The following DYNC1H1 variants were observed in gnomAD, a reference collection of about 807,000 sequenced individuals.
DYNC1H1 encodes the protein cytoplasmic dynein 1 heavy chain 1.
Under a neutral mutation model 527.1 loss-of-function variants are expected in DYNC1H1, and 51 were observed. The ratio of observed to expected loss-of-function variants is 0.10; its 90% CI spans 0.08 to 0.12. The LOEUF is 0.12. DYNC1H1 is among the 10% of genes least tolerant of loss of function. The pLI is 1.00. For missense variants in DYNC1H1, 2,771 were observed against 5,971.8 expected (o/e 0.46, Z 17.66); for synonymous variants, 2,189 against 2,278.8 (o/e 0.96, Z 1.12).
chr14:102,048,693 G>C (rs760468171), intron 74 of DYNC1H1, 24 bp downstream of exon 74: 1 of 1,611,300 alleles, frequency 6.2e-7, no homozygotes, highest in Non-Finnish European at 8.5e-7. Flanking sequence ...CGAACTCGTG[G>C]TGTGGCTTCC....
Position 102,011,566 on chromosome 14 carries a change from T to C in DYNC1H1, c.6619-309T>C. The C allele has an allele frequency of 2.5e-6, 1 of 400,432 alleles. No individual in the cohort carries two copies. Among genetic ancestry groups the C allele is most frequent in the Non-Finnish European group, 4.7e-6 (1 of 210,972 alleles). The allele number at this position is 400,432 out of a possible 1,614,324, so 24.8% of individuals were successfully genotyped here. ...AAATGTTTGTTTTACATGTGACCTG[T>C]GTAACATCTCTCCAGCTGGGGAGTT... is the stretch of plus-strand genomic sequence containing the variant. On this transcript the variant is annotated intron_variant, in intron 32 of 77. Coordinates refer to ENST00000360184, the MANE Select transcript of DYNC1H1 (RefSeq NM_001376.5). This position sits in a 1 kb window ranked among gnomAD's most constrained non-coding sequence, Gnocchi z 5.3.
At chr14:101,993,180 A>G (rs2048017699) in intron 11 of DYNC1H1, among the ~76,000 whole-genome samples, 1 of 151,754 alleles carries the variant, frequency 6.6e-6, no homozygotes, top group African/African-American at 2.4e-5. Context: ...GCCAAAAATC[A>G]TGGTATTGTC....
At position 101,979,918 on chromosome 14, in the gene DYNC1H1, A is replaced by G. The variant is rs768502998; in HGVS notation, c.718A>G (p.Thr240Ala). Reference protein sequence around the residue: ...TDFGDKVEDPTFLNQLQSGVN... With the variant: ...TDFGDKVEDPAFLNQLQSGVN... Reference sequence around the variant, plus strand: ...CTTTGGTGATAAGGTTGAAGACCCAACATTTCTTAATCAGTTACAATCTGG... The same window carrying G: ...CTTTGGTGATAAGGTTGAAGACCCAGCATTTCTTAATCAGTTACAATCTGG... The change falls in exon 4 of 78, where the codon ACA (threonine) becomes GCA (alanine). Residue 240 changes from threonine to alanine, a missense_variant. Physicochemically the swap from Thr to Ala is moderately conservative, Grantham distance 58. This residue lies in a region of DYNC1H1 where 146 missense variants were observed against 288.1 expected (regional missense o/e 0.51). Coordinates refer to ENST00000360184, the MANE Select transcript of DYNC1H1 (RefSeq NM_001376.5). This position sits in a 1 kb window ranked among gnomAD's most constrained non-coding sequence, Gnocchi z 4.6. 5 of 1,614,122 alleles carry G rather than the reference A, an allele frequency of 3.1e-6. No individual in the cohort carries two copies. The highest frequency in any genetic ancestry group is 1.7e-5 in the Admixed American group (1 of 60,012).
At chr14:101,984,719 T>C (rs1173886999) in intron 7 of DYNC1H1, among the ~76,000 whole-genome samples, 1 of 149,384 alleles carries the variant, frequency 6.7e-6, no homozygotes, top group Non-Finnish European at 1.5e-5. Flanking sequence ...GATCACGAGG[T>C]CAGAAGATTG....
intron 63 of DYNC1H1, 71 bp downstream of exon 63, chr14:102,040,481 G>A (rs1171125060): frequency 1.9e-6 from 3 of 1,612,630 alleles, no homozygotes; most frequent in African/African-American, 2.7e-5. Context: ...GGAATTGCAT[G>A]TGGTATAAAA....
chr14:102,032,087 C>G (rs1265051050), intron 51 of DYNC1H1, among the ~76,000 whole-genome samples, 185 bp from the exon 52 acceptor site: 2 of 152,166 alleles, frequency 1.3e-5, no homozygotes, highest in East Asian at 3.8e-4. Context: ...TTTAAGAGAT[C>G]AGCTACTTAC....
chr14:102,041,505 T>A lies in DYNC1H1; in HGVS notation c.11942-69T>A, dbSNP rs2048648651. ...TGAGTGGGTACTTTGGGAAGAACAG[T>A]CCAGGCAGGGGAGGGCGTCTCTGAG... On this transcript the variant is annotated intron_variant, in intron 64 of 77. Transcript: ENST00000360184. The surrounding 1 kb of genome is among the most constrained non-coding windows in gnomAD (Gnocchi z 4.5). 2 of 1,610,134 alleles carry A rather than the reference T, an allele frequency of 1.2e-6. No individual in the cohort carries two copies. Among genetic ancestry groups the A allele is most frequent in the East Asian group, 4.5e-5 (2 of 44,878 alleles).
Position 102,005,288 on chromosome 14 carries a change from AC to A in DYNC1H1, c.5433+54del. ...TACCAGTTAGACTCTTACACCCTCA[AC>A]CACACAGTTAAATGGAAATCATGCT... On this transcript the variant is annotated intron_variant, in intron 26 of 77. Transcript: ENST00000360184. This position sits in a 1 kb window ranked among gnomAD's most constrained non-coding sequence, Gnocchi z 4.0. 2 of 1,604,282 alleles carry A rather than the reference AC, an allele frequency of 1.2e-6. No individual in the cohort carries two copies. Among genetic ancestry groups the A allele is most frequent in the Non-Finnish European group, 1.7e-6 (2 of 1,171,824 alleles).
chr14:102,000,661 G>A lies in DYNC1H1; in HGVS notation c.4074+262G>A, dbSNP rs917153221. The A allele has an allele frequency of 9.4e-5, 44 of 469,384 alleles. No homozygotes were observed. The Middle Eastern group carries it at 1.8e-3, about 20-fold the overall frequency. 29.1% of individuals were successfully genotyped at this position (469,384 alleles called of 1,614,324 possible). Reference sequence around the variant, plus strand: ...ATGATCTCGGCTCACTGCAACCTCCGCCTCCCGGGTTCAAGCGATTCTCCT... The same window carrying A: ...ATGATCTCGGCTCACTGCAACCTCCACCTCCCGGGTTCAAGCGATTCTCCT... On this transcript the variant is annotated intron_variant, in intron 18 of 77. Coordinates refer to ENST00000360184, the MANE Select transcript of DYNC1H1 (RefSeq NM_001376.5).
Position 102,039,365 on chromosome 14 carries a change from G to A in DYNC1H1, c.11461-47G>A, listed in dbSNP as rs780711550. The A allele has an allele frequency of 2.5e-5, 40 of 1,613,464 alleles. No individual in the cohort carries two copies. The highest frequency in any genetic ancestry group is 4.5e-5 in the East Asian group (2 of 44,902). ...CTCCTTGGCCACGCAGAAGTTCAGC[G>A]GGGTGCCGAGGGAGCTGCCTCACCG... On this transcript the variant is annotated intron_variant, in intron 60 of 77. Transcript: ENST00000360184. This position sits in a 1 kb window ranked among gnomAD's most constrained non-coding sequence, Gnocchi z 7.0.
intron 12 of DYNC1H1, 112 bp downstream of exon 12, chr14:101,994,436 C>T: frequency 6.7e-7 from 1 of 1,495,474 alleles, no homozygotes; most frequent in Non-Finnish European, 9.2e-7. Context: ...GTATGGTTCA[C>T]TAGATACTAT....
chr14:101,985,364 G>A lies in DYNC1H1; in HGVS notation c.1462-323G>A, dbSNP rs4900528. Among the ~76,000 whole-genome samples the A allele has an allele frequency of 0.21, 31,511 of 151,448 alleles. 4,580 individuals carry two copies. Among genetic ancestry groups the A allele is most frequent in the African/African-American group, 0.41 (16,879 of 41,282 alleles). On this transcript the variant is annotated intron_variant, in intron 7 of 77. Transcript: ENST00000360184. This position sits in a 1 kb window ranked among gnomAD's most constrained non-coding sequence, Gnocchi z 5.9. ...TTTTGAGATGGAGTCTTGCTGTGTC[G>A]CCCAGGCTGGAGTGCAGTGGCGTGA...
chr14:102,012,341 G>A lies in DYNC1H1; in HGVS notation c.6885G>A (p.Leu2295=). 1 of 1,614,240 alleles carries A rather than the reference G, an allele frequency of 6.2e-7. No homozygotes were observed. Among genetic ancestry groups the A allele is most frequent in the Non-Finnish European group, 8.5e-7 (1 of 1,180,046 alleles). The part of the protein sequence containing the change: ...RKIIDSVRGE[L]QKRQWIVFDG... ...TCATCGACAGCGTGAGAGGCGAGCT[G>A]CAGAAGCGCCAGTGGATCGTCTTCG... Residue 2295 remains leucine, a synonymous_variant, in exon 34 of 78, where the codon CTG becomes CTA. Coordinates refer to ENST00000360184, the MANE Select transcript of DYNC1H1 (RefSeq NM_001376.5). The surrounding 1 kb of genome is among the most constrained non-coding windows in gnomAD (Gnocchi z 4.9).
intron 42 of DYNC1H1, among the ~76,000 whole-genome samples, chr14:102,021,817 C>T (rs1356039118): frequency 6.6e-6 from 1 of 151,896 alleles, no homozygotes. Context: ...TGTGCCACCA[C>T]GCCTGGCTGA....
In DYNC1H1 at chr14:102,036,341, G is replaced by T; in HGVS notation, c.10755-148G>T. On this transcript the variant is annotated intron_variant, in intron 56 of 77. Coordinates refer to ENST00000360184, the MANE Select transcript of DYNC1H1 (RefSeq NM_001376.5). This position sits in a 1 kb window ranked among gnomAD's most constrained non-coding sequence, Gnocchi z 5.6. ...TAGCATTAAGCATGTAAGCTTTATT[G>T]GTAAACCTGAAAACGTCTCCGGAAA... is the stretch of plus-strand genomic sequence containing the variant. The T allele has an allele frequency of 2.1e-6, 2 of 954,732 alleles. No homozygotes were observed. Among genetic ancestry groups the T allele is most frequent in the Non-Finnish European group, 3.3e-6 (2 of 607,220 alleles). The allele number at this position is 954,732 out of a possible 1,614,324, so 59.1% of individuals were successfully genotyped here.
At position 102,039,425 on chromosome 14, in the gene DYNC1H1, A is replaced by G; in HGVS notation, c.11474A>G (p.Tyr3825Cys). Reference protein sequence around the residue: ...MESLKQIHFLYQYSLQFFLDI... With the variant: ...MESLKQIHFLCQYSLQFFLDI... ...GCTTCCTTTCAGATACACTTCTTGT[A>G]CCAGTACTCCCTCCAGTTTTTCCTG... is the stretch of plus-strand genomic sequence containing the variant. The change falls in exon 61 of 78, where the codon TAC (tyrosine) becomes TGC (cysteine). Residue 3825 changes from tyrosine (Y) to cysteine (C), a missense_variant. Around this residue, in one of 32 missense-constraint regions of DYNC1H1, gnomAD observed 283 missense variants for 737.6 expected, o/e 0.38. Coordinates refer to ENST00000360184, the MANE Select transcript of DYNC1H1 (RefSeq NM_001376.5). This position sits in a 1 kb window ranked among gnomAD's most constrained non-coding sequence, Gnocchi z 7.0. The G allele has an allele frequency of 6.2e-7, 1 of 1,614,220 alleles. No individual in the cohort carries two copies. The highest frequency in any genetic ancestry group is 8.5e-7 in the Non-Finnish European group (1 of 1,180,034).
At chr14:101,967,587 C>G (rs998894689) in intron 1 of DYNC1H1, among the ~76,000 whole-genome samples, 2 of 152,140 alleles carry the variant, frequency 1.3e-5, no homozygotes, top group Non-Finnish European at 2.9e-5. Flanking sequence ...CACCTGTAAT[C>G]CCAGCACTTT....
At chr14:102,014,644 C>T (rs1414048461) in intron 34 of DYNC1H1, among the ~76,000 whole-genome samples, 1 of 152,108 alleles carries the variant, frequency 6.6e-6, no homozygotes, top group Non-Finnish European at 1.5e-5. Context: ...TGACATCACA[C>T]TTGGAGGGGC....
rs765302385 is a variant in DYNC1H1, at chr14:102,034,113, G to A, written c.10551G>A (p.Ala3517=). ...CLLSAAFIAY[A]GYFDQQMRQN... ...TGTCAGCTGCGTTCATTGCCTACGC[G>A]GGTTACTTTGACCAGCAGATGCGTC... The change falls in exon 55 of 78, where the codon GCG becomes GCA. Residue 3517 remains alanine, a synonymous_variant. Transcript: ENST00000360184. 6.2e-6 allele frequency: 10 copies of A among 1,614,022 alleles called. No individual in the cohort carries two copies. Among genetic ancestry groups the A allele is most frequent in the African/African-American group, 2.7e-5 (2 of 74,934 alleles).
Sources: gnomAD v4.1 joint callset for allele counts (sites outside exome capture counted in the v4.1 genomes callset) on GRCh38, gnomAD v4.1.1 for gene constraint, gnomAD v4.1.1 regional missense constraint, Gnocchi (gnomAD v3.1) non-coding constraint, MANE v1.5 for transcripts, NCBI Gene and HGNC (gene_info 2026-07-23, HGNC 2026-07-21) for gene names.